XRCC4: variants seen among roughly 807,000 people sequenced by gnomAD.
XRCC4 encodes the protein X-ray repair cross complementing 4.
In XRCC4, 28 loss-of-function variants were observed where a neutral mutation model predicts 39.1. The ratio of observed to expected loss-of-function variants is 0.72; its 90% CI spans 0.53 to 0.98. XRCC4 has a LOEUF of 0.98. Ranked by LOEUF, XRCC4 falls within the 50% of genes least tolerant of loss-of-function variation. The pLI, the probability that XRCC4 is intolerant of heterozygous loss-of-function variation, is 0.00. For missense variants in XRCC4, 350 were observed against 376.4 expected (o/e 0.93, Z 0.58); for synonymous variants, 123 against 126.4 (o/e 0.97, Z 0.18).
Position 83,353,449 on chromosome 5 carries a change from ACTATT to A in XRCC4, c.*209_*213del, listed in dbSNP as rs1426250138. On this transcript the variant is annotated 3_prime_UTR_variant, in exon 8 of 8. Transcript: ENST00000396027. Reference sequence around the variant, plus strand: ...TGATGACACTGGCACATTATTCTAAACTATTCATTCAGCATGCCTATAATTACATA... The same window carrying A: ...TGATGACACTGGCACATTATTCTAAACATTCAGCATGCCTATAATTACATA... The A allele has an allele frequency of 5.1e-6, 2 of 395,108 alleles. No homozygotes were observed. Among genetic ancestry groups the A allele is most frequent in the Non-Finnish European group, 9.1e-6 (2 of 220,736 alleles). 24.5% of individuals were successfully genotyped at this position (395,108 alleles called of 1,614,324 possible).
chr5:83,088,498 G>C (rs953658113), intron 1 of XRCC4, among the ~76,000 whole-genome samples: 2 of 151,752 alleles, frequency 1.3e-5, no homozygotes, highest in Non-Finnish European at 2.9e-5. Context: ...TCAACTTAAT[G>C]GGAAATTTTT....
At chr5:83,095,936 A>T (rs747125743) in intron 1 of XRCC4, among the ~76,000 whole-genome samples, 6 of 152,148 alleles carry the variant, frequency 3.9e-5, no homozygotes, top group Non-Finnish European at 7.4e-5. Flanking sequence ...CCCTTCCAGG[A>T]TCTGCTGTGG....
chr5:83,121,838 CTG>C, intron 3 of XRCC4, among the ~76,000 whole-genome samples: 1 of 152,184 alleles, frequency 6.6e-6, no homozygotes, highest in South Asian at 2.1e-4. Flanking sequence ...CATTTAGAGT[CTG>C]TGATACATTT....
intron 3 of XRCC4, among the ~76,000 whole-genome samples, chr5:83,153,295 G>T (rs1008702167): frequency 6.6e-6 from 1 of 150,538 alleles, no homozygotes; most frequent in Non-Finnish European, 1.5e-5. Context: ...TGCAACCTCC[G>T]CCTCCCGAGT....
At chr5:83,292,535 A>G (rs28360270) in intron 7 of XRCC4, among the ~76,000 whole-genome samples, 5,967 of 152,100 alleles carry the variant, frequency 0.039, 129 homozygotes, top group East Asian at 0.1. Flanking sequence ...GTAATGAAAT[A>G]GCAATATTCT....
intron 3 of XRCC4, among the ~76,000 whole-genome samples, chr5:83,186,846 G>T (rs1750461692): frequency 6.6e-6 from 1 of 152,086 alleles, no homozygotes; most frequent in Admixed American, 6.5e-5. Context: ...TGTCAGTAGG[G>T]CTGTGTTCTG....
the XRCC4 span, among the ~76,000 whole-genome samples, chr5:83,367,707 A>G: frequency 3.3e-5 from 5 of 151,414 alleles, no homozygotes; most frequent in Non-Finnish European, 1.5e-5. Context: ...TCCAGTGGAG[A>G]AGATGGGAGA....
At chr5:83,209,573 A>T (rs1432228401) in intron 6 of XRCC4, among the ~76,000 whole-genome samples, 1 of 152,114 alleles carries the variant, frequency 6.6e-6, no homozygotes, top group African/African-American at 2.4e-5. Context: ...GGAAAATTTG[A>T]ATTTATATGA....
intron 3 of XRCC4, among the ~76,000 whole-genome samples, chr5:83,164,920 T>C (rs527320461): frequency 6.6e-6 from 1 of 152,206 alleles, no homozygotes; most frequent in South Asian, 2.1e-4. Flanking sequence ...GAACTTGCTT[T>C]ATGAATGCTA....
At chr5:83,135,087 T>TG (rs935404426) in intron 3 of XRCC4, among the ~76,000 whole-genome samples, 2 of 152,180 alleles carry the variant, frequency 1.3e-5, no homozygotes, top group African/African-American at 4.8e-5. Context: ...GAACCCACTC[T>TG]AAGTAATCAA....
chr5:83,279,760 A>G lies in XRCC4; in HGVS notation c.893+21083A>G, dbSNP rs1754471321. Among the ~76,000 whole-genome samples, 3 of 152,216 alleles carry G rather than the reference A, an allele frequency of 2.0e-5. No individual in the cohort carries two copies. In the South Asian group the frequency reaches 6.2e-4, roughly 31 times the overall value. ...GAAAATGATAATGTCTGTACAAGTG[A>G]ATCTATATTCTATGTGAAAGTTTTC... On this transcript the variant is annotated intron_variant, in intron 7 of 7. Coordinates refer to ENST00000396027, the MANE Select transcript of XRCC4 (RefSeq NM_003401.5).
intron 6 of XRCC4, among the ~76,000 whole-genome samples, chr5:83,216,391 G>A (rs1323941096): frequency 1.3e-5 from 2 of 152,104 alleles, no homozygotes; most frequent in East Asian, 3.8e-4. Context: ...AACCACTTTA[G>A]AAAACTGTTT....
intron 7 of XRCC4, among the ~76,000 whole-genome samples, chr5:83,285,956 T>C (rs770471875): frequency 6.6e-6 from 1 of 152,136 alleles, no homozygotes; most frequent in Non-Finnish European, 1.5e-5. Context: ...TTTCAAAGTT[T>C]ATTTGAATCA....
chr5:83,089,500 A>G (rs1745325300), intron 1 of XRCC4, among the ~76,000 whole-genome samples: 1 of 152,208 alleles, frequency 6.6e-6, no homozygotes, highest in Non-Finnish European at 1.5e-5. Flanking sequence ...TGGGTATTCA[A>G]CAATTCAGTA....
intron 3 of XRCC4, among the ~76,000 whole-genome samples, chr5:83,146,942 G>T (rs994686146): frequency 2.0e-5 from 3 of 152,174 alleles, no homozygotes; most frequent in African/African-American, 7.2e-5. Context: ...AAGTATCAAA[G>T]ATATTTGCTG....
At chr5:83,211,186 A>G (rs1383880719) in intron 6 of XRCC4, among the ~76,000 whole-genome samples, 1 of 152,146 alleles carries the variant, frequency 6.6e-6, no homozygotes, top group Non-Finnish European at 1.5e-5. Context: ...AAGAACTGGG[A>G]GTCTGTGGAT....
chr5:83,099,669 T>A (rs1358727891), intron 1 of XRCC4, among the ~76,000 whole-genome samples: 1 of 152,168 alleles, frequency 6.6e-6, no homozygotes, highest in East Asian at 1.9e-4. Flanking sequence ...ATGTACAAAT[T>A]GGGGTGGGAC....
chr5:83,152,704 A>T (rs1287081150), intron 3 of XRCC4, among the ~76,000 whole-genome samples: 1 of 151,988 alleles, frequency 6.6e-6, no homozygotes, highest in African/African-American at 2.4e-5. Flanking sequence ...AGGTTTTTGG[A>T]AAGATCTATG....
At chr5:83,171,149 C>G (rs1489122199) in intron 3 of XRCC4, among the ~76,000 whole-genome samples, 2 of 152,078 alleles carry the variant, frequency 1.3e-5, no homozygotes, top group African/African-American at 4.8e-5. Context: ...GCTTCCACTT[C>G]TCAACTTACA....
Sources: allele counts gnomAD v4.1 joint callset (sites outside exome capture counted in the v4.1 genomes callset), GRCh38; gene constraint gnomAD v4.1.1; transcripts MANE v1.5; gene names NCBI Gene and HGNC (gene_info 2026-07-23, HGNC 2026-07-21).